COL14A1: variants seen among roughly 807,000 people sequenced by gnomAD.
COL14A1 encodes collagen type XIV alpha 1 chain, also known as collagen alpha-1(XIV) chain.
Under a neutral mutation model 230.3 loss-of-function variants are expected in COL14A1, and 136 were observed. The observed-to-expected ratio is 0.59, with a 90% CI of 0.51 to 0.68. The LOEUF (loss-of-function observed/expected upper bound fraction) is 0.68, where lower values mean the gene tolerates loss of function less well. Among genes scored for constraint, COL14A1 ranks in the 30% least tolerant of loss-of-function variants. COL14A1 has a pLI of 0.00. For synonymous variants in COL14A1, 792 were observed against 784.1 expected, an observed-to-expected ratio of 1.01 and a Z score of -0.17; for missense variants, 1,976 against 2,215.8, an observed-to-expected ratio of 0.89 and a Z score of 2.17.
intron 47 of COL14A1, 147 bp downstream of exon 47, chr8:120,369,632 C>T (rs1321430616): frequency 2.5e-6 from 2 of 798,832 alleles, no homozygotes; most frequent in Non-Finnish European, 3.6e-6. Flanking sequence ...TTAAATTATC[C>T]CGAGACATTT....
intron 40 of COL14A1, among the ~76,000 whole-genome samples, chr8:120,327,077 T>G (rs548563397): frequency 6.6e-6 from 1 of 152,206 alleles, no homozygotes; most frequent in Non-Finnish European, 1.5e-5. Flanking sequence ...TTGAACAAAT[T>G]TGTTATTTGT....
At position 120,322,909 on chromosome 8, in the gene COL14A1, C is replaced by T. The variant is rs571491232; in HGVS notation, c.4659+6912C>T. 6.0e-4 allele frequency among the ~76,000 whole-genome samples: 91 copies of T among 152,280 alleles called. 1 individual carries two copies. The highest frequency in any genetic ancestry group is 1.9e-3 in the South Asian group (9 of 4,814). On this transcript the variant is annotated intron_variant, in intron 40 of 47. Transcript: ENST00000297848. ...ATAGAACAGTTTATATTCCTTTGGG[C>T]GTATGCCCAGTAATGGGATTGTGAG... is the stretch of plus-strand genomic sequence containing the variant.
At chr8:120,350,393 C>T (rs1178716921) in intron 45 of COL14A1, among the ~76,000 whole-genome samples, 2 of 133,108 alleles carry the variant, frequency 1.5e-5, no homozygotes, top group African/African-American at 6.2e-5. Flanking sequence ...ACAATATTAA[C>T]TTTAAATGTA....
intron 37 of COL14A1, among the ~76,000 whole-genome samples, chr8:120,313,433 G>A (rs942645488): frequency 1.3e-5 from 2 of 152,142 alleles, no homozygotes; most frequent in African/African-American, 4.8e-5. Context: ...CATTGAAGAA[G>A]GTGTAGTGTG....
intron 45 of COL14A1, among the ~76,000 whole-genome samples, chr8:120,357,056 T>G (rs1823013428): frequency 6.6e-6 from 1 of 152,220 alleles, no homozygotes; most frequent in South Asian, 2.1e-4. Flanking sequence ...GAAACTCTTA[T>G]GTATTAGTGA....
Position 120,280,618 on chromosome 8 carries a change from A to G in COL14A1, c.3647-93A>G, listed in dbSNP as rs950338020. On this transcript the variant is annotated intron_variant, in intron 29 of 47. Transcript: ENST00000297848. ...TTCTCTCCACAATCAACTTCTGGAA[A>G]GATTGTATTAGTTTCCTGTTCTCAG... is the stretch of plus-strand genomic sequence containing the variant. 6.8e-6 allele frequency: 8 copies of G among 1,174,470 alleles called. No homozygotes were observed. The African/African-American group carries it at 9.2e-5, about 13-fold the overall frequency. 72.8% of individuals were successfully genotyped at this position (1,174,470 alleles called of 1,614,324 possible). A position where few individuals can be genotyped will look rare whatever the true frequency, so the allele number is the denominator to read the frequency against.
intron 42 of COL14A1, among the ~76,000 whole-genome samples, chr8:120,338,010 C>G (rs1363035988): frequency 6.6e-6 from 1 of 152,156 alleles, no homozygotes; most frequent in African/African-American, 2.4e-5. Flanking sequence ...TCCCTACATA[C>G]CAAAAGGTGC....
intron 5 of COL14A1, among the ~76,000 whole-genome samples, chr8:120,187,856 T>A (rs1449138217): frequency 2.0e-5 from 3 of 152,182 alleles, no homozygotes; most frequent in Admixed American, 1.3e-4. Context: ...ATAGAGTACC[T>A]TCCTGAAGTC....
intron 23 of COL14A1, among the ~76,000 whole-genome samples, chr8:120,258,220 T>A (rs1216009937): frequency 1.3e-5 from 2 of 152,236 alleles, no homozygotes; most frequent in Non-Finnish European, 2.9e-5. Flanking sequence ...GTCTTGCTCC[T>A]TCTTGTGTTC....
chr8:120,170,035 T>C (rs887020794), intron 5 of COL14A1, among the ~76,000 whole-genome samples: 2 of 152,064 alleles, frequency 1.3e-5, no homozygotes, highest in African/African-American at 4.8e-5. Flanking sequence ...TTAAAACATA[T>C]TTAATTATAC....
intron 40 of COL14A1, among the ~76,000 whole-genome samples, chr8:120,330,425 C>A (rs1821824136): frequency 6.6e-6 from 1 of 152,090 alleles, no homozygotes; most frequent in Admixed American, 6.5e-5. Context: ...GCTGGGGAGA[C>A]CTCACAATCA....
chr8:120,234,187 G>A (rs1818368257), intron 19 of COL14A1, among the ~76,000 whole-genome samples: 1 of 152,182 alleles, frequency 6.6e-6, no homozygotes, highest in Admixed American at 6.5e-5. Flanking sequence ...TGCTGAAGTT[G>A]CATATCAGCT....
chr8:120,332,674 G>T lies in COL14A1; in HGVS notation c.4724G>T (p.Gly1575Val). 6.2e-7 allele frequency: 1 copy of T among 1,612,758 alleles called. No homozygotes were observed. Among genetic ancestry groups the T allele is most frequent in the Non-Finnish European group, 8.5e-7 (1 of 1,179,200 alleles). ...PGPPGPIGIP[G>V]TPGVPGITGS... Reference sequence around the variant, plus strand: ...CTACCTCTCTTCTAGGGCATTCCTGGCACCCCTGGAGTCCCAGGGATCACA... The same window carrying T: ...CTACCTCTCTTCTAGGGCATTCCTGTCACCCCTGGAGTCCCAGGGATCACA... Residue 1575 changes from glycine to valine, a missense_variant, in exon 42 of 48, where the codon GGC becomes GTC. By Grantham distance (109) the Gly-to-Val change is moderately radical (BLOSUM62 -3). This residue lies in a region of COL14A1 where 1,791 missense variants were observed against 2,019.5 expected (regional missense o/e 0.89). Coordinates refer to ENST00000297848, the MANE Select transcript of COL14A1 (RefSeq NM_021110.4).
chr8:120,234,547 C>A (rs1221814952), intron 19 of COL14A1, among the ~76,000 whole-genome samples: 1 of 151,898 alleles, frequency 6.6e-6, no homozygotes, highest in Non-Finnish European at 1.5e-5. Flanking sequence ...TATTGAAGGC[C>A]TTTTCTGCAT....
chr8:120,365,698 T>C (rs1003294485), intron 45 of COL14A1, among the ~76,000 whole-genome samples: 1 of 152,220 alleles, frequency 6.6e-6, no homozygotes, highest in Non-Finnish European at 1.5e-5. Flanking sequence ...GAGAAATCAT[T>C]GTTTTCCTTA....
Position 120,209,851 on chromosome 8 carries a change from C to T in COL14A1, c.1417C>T (p.Leu473=). ...WDAVPGASGY[L]ILYAPLTEGL... Reference sequence around the variant, plus strand: ...TGCAGTGCCTGGGGCCTCAGGTTACCTGATCCTTTATGCTCCTCTAACAGA... The same window carrying T: ...TGCAGTGCCTGGGGCCTCAGGTTACTTGATCCTTTATGCTCCTCTAACAGA... The change falls in exon 12 of 48, where the codon CTG becomes TTG. Residue 473 remains leucine, a synonymous_variant. Transcript: ENST00000297848. 6.2e-7 allele frequency: 1 copy of T among 1,613,782 alleles called. No homozygotes were observed. The highest frequency in any genetic ancestry group is 8.5e-7 in the Non-Finnish European group (1 of 1,179,852).
At chr8:120,237,971 C>T (rs1443825378) in intron 19 of COL14A1, among the ~76,000 whole-genome samples, 6 of 152,166 alleles carry the variant, frequency 3.9e-5, no homozygotes, top group Admixed American at 3.3e-4. Flanking sequence ...TTGCTGCCTG[C>T]TCCTTCCTCT....
At chr8:120,273,825 G>C (rs1264597559) in intron 26 of COL14A1, among the ~76,000 whole-genome samples, 2 of 150,214 alleles carry the variant, frequency 1.3e-5, no homozygotes, top group Non-Finnish European at 3.0e-5. Context: ...AAAAGGCCCA[G>C]GGCCAGATGG....
At chr8:120,180,796 C>A (rs952038663) in intron 5 of COL14A1, among the ~76,000 whole-genome samples, 2 of 150,108 alleles carry the variant, frequency 1.3e-5, no homozygotes. Flanking sequence ...CAGCCTCCAC[C>A]TCCTGAGTTC....
Sources: gnomAD v4.1 joint callset for allele counts (sites outside exome capture counted in the v4.1 genomes callset) on GRCh38, gnomAD v4.1.1 for gene constraint, gnomAD v4.1.1 regional missense constraint, MANE v1.5 for transcripts, NCBI Gene and HGNC (gene_info 2026-07-23, HGNC 2026-07-21) for gene names.